TEX36: variants seen among roughly 807,000 people sequenced by gnomAD.
TEX36 encodes the protein testis expressed 36, also known as testis-expressed protein 36.
Under a neutral mutation model 13.6 loss-of-function variants are expected in TEX36, and 12 were observed. That is an observed-to-expected ratio of 0.88 (90% CI 0.56 to 1.43). The LOEUF is 1.43. Among genes scored for constraint, TEX36 ranks in the 40% most tolerant of loss-of-function variants. The probability of loss-of-function intolerance (pLI) is 0.00; values close to 1 mark genes in which losing one functional copy is unlikely to be tolerated. For missense variants in TEX36, 224 were observed against 228.3 expected (o/e 0.98, Z 0.12); for synonymous variants, 93 against 83.0 (o/e 1.12, Z -0.65).
At chr10:125,608,988 A>AAG (rs1554999380) in intron 3 of TEX36, among the ~76,000 whole-genome samples, 1 of 134,412 alleles carries the variant, frequency 7.4e-6, no homozygotes, top group African/African-American at 3.2e-5. Flanking sequence ...AAAAAAAAAA[A>AAG]AAAGAAAGAA....
At chr10:125,622,708 G>A (rs536410283) in intron 3 of TEX36, among the ~76,000 whole-genome samples, 22 of 152,300 alleles carry the variant, frequency 1.4e-4, no homozygotes, top group Admixed American at 3.3e-4. Context: ...ACTAAGAGAC[G>A]CCCAGAGGGA....
intron 1 of TEX36, among the ~76,000 whole-genome samples, chr10:125,662,723 G>C (rs1319498581): frequency 6.6e-6 from 1 of 152,092 alleles, no homozygotes; most frequent in Non-Finnish European, 1.5e-5. Context: ...CAAGCAATGA[G>C]GCATTGGATT....
intron 3 of TEX36, among the ~76,000 whole-genome samples, chr10:125,614,246 A>G (rs1022481980): frequency 1.1e-4 from 17 of 152,122 alleles, no homozygotes; most frequent in African/African-American, 3.4e-4. Context: ...GTTCCCTCTG[A>G]TGGTAGTTTC....
At chr10:125,601,600 C>T (rs1846147766) in intron 3 of TEX36, among the ~76,000 whole-genome samples, 1 of 152,230 alleles carries the variant, frequency 6.6e-6, no homozygotes, top group African/African-American at 2.4e-5. Context: ...CACCAGCTTG[C>T]CAGCTTGGTT....
At chr10:125,660,213 C>A (rs1350404199) in intron 3 of TEX36, among the ~76,000 whole-genome samples, 2 of 152,184 alleles carry the variant, frequency 1.3e-5, no homozygotes, top group African/African-American at 4.8e-5. Context: ...CAGCCTTGAA[C>A]TCCTGAGCTC....
At chr10:125,678,747 T>G (rs1847348381) in intron 1 of TEX36, among the ~76,000 whole-genome samples, 1 of 152,012 alleles carries the variant, frequency 6.6e-6, no homozygotes, top group African/African-American at 2.4e-5. Flanking sequence ...GGCCAGGAGT[T>G]TAGGCCCAAT....
chr10:125,603,417 C>T lies in TEX36; in HGVS notation c.265-26543G>A, dbSNP rs1189465853. Among the ~76,000 whole-genome samples the T allele has an allele frequency of 6.6e-5, 10 of 152,038 alleles. No homozygotes were observed. In the South Asian group the frequency reaches 1.0e-3, roughly 16 times the overall value. ...CCTCTTAGTGGTCCCCCATCTGCTC[C>T]GCCCGTTGCCTGAGCCCATTTCCCC... On this transcript the variant is annotated intron_variant, in intron 3 of 3. Transcript: ENST00000532135.
intron 3 of TEX36, among the ~76,000 whole-genome samples, chr10:125,627,175 T>C (rs1173213192): frequency 6.6e-6 from 1 of 152,258 alleles, no homozygotes; most frequent in Non-Finnish European, 1.5e-5. Flanking sequence ...TGAGATGTTT[T>C]CACTAATCTG....
chr10:125,665,393 T>C (rs773545149), intron 1 of TEX36, among the ~76,000 whole-genome samples: 3 of 152,178 alleles, frequency 2.0e-5, no homozygotes, highest in Non-Finnish European at 4.4e-5. Context: ...TATATTTAAG[T>C]CTTCAATTCA....
intron 1 of TEX36, among the ~76,000 whole-genome samples, chr10:125,676,700 C>A (rs60014559): frequency 0.077 from 11,711 of 152,098 alleles, 809 homozygotes; most frequent in East Asian, 0.25. Context: ...TTCTTCCTTT[C>A]TTTTTATCTT....
intron 3 of TEX36, among the ~76,000 whole-genome samples, chr10:125,635,826 C>G (rs1019039374): frequency 6.6e-6 from 1 of 152,032 alleles, no homozygotes; most frequent in Non-Finnish European, 1.5e-5. Context: ...ATCCACGGCT[C>G]TTTCAACTTC....
chr10:125,670,215 C>T (rs6597718), intron 1 of TEX36, among the ~76,000 whole-genome samples: 97,399 of 152,102 alleles, frequency 0.64, 32,571 homozygotes, highest in African/African-American at 0.85. Context: ...CCACCAATAG[C>T]GTAAAAGCAT....
At chr10:125,672,431 T>G (rs945861565) in intron 1 of TEX36, among the ~76,000 whole-genome samples, 1 of 152,226 alleles carries the variant, frequency 6.6e-6, no homozygotes, top group Non-Finnish European at 1.5e-5. Context: ...TCCATGTAGT[T>G]GTGTGGTTTT....
At position 125,663,111 on chromosome 10, in the gene TEX36, C is replaced by T. The variant is rs573297976; in HGVS notation, c.52-1134G>A. Among the ~76,000 whole-genome samples the T allele has an allele frequency of 3.9e-5, 6 of 152,344 alleles. No homozygotes were observed. In the East Asian group the frequency reaches 1.2e-3, roughly 29 times the overall value. ...TCCACCCCAGGTCTCTCTCCTATCT[C>T]CTAGGTGAGCCTGATGAGAGAGACT... On this transcript the variant is annotated intron_variant, in intron 1 of 3. Transcript: ENST00000368821.
At position 125,667,684 on chromosome 10, in the gene TEX36, A is replaced by G; in HGVS notation, c.52-5707T>C. 4.1e-6 allele frequency: 3 copies of G among 733,266 alleles called. No individual in the cohort carries two copies. In the South Asian group the frequency reaches 4.7e-5, roughly 11 times the overall value. The allele number at this position is 733,266 out of a possible 1,614,324, so 45.4% of individuals were successfully genotyped here. On this transcript the variant is annotated intron_variant, in intron 1 of 3. Coordinates refer to ENST00000368821, the MANE Select transcript of TEX36 (RefSeq NM_001128202.3). ...CAACTTGGGGGAAAGGACGCCCATC[A>G]TCCTTCTTCTGGTAGAGTGTCTGGT...
At chr10:125,605,213 C>T (rs1846200550) in intron 3 of TEX36, among the ~76,000 whole-genome samples, 1 of 152,234 alleles carries the variant, frequency 6.6e-6, no homozygotes, top group Non-Finnish European at 1.5e-5. Context: ...ATGCCTTCGA[C>T]TCATTTTATT....
intron 3 of TEX36, among the ~76,000 whole-genome samples, chr10:125,658,591 G>T (rs369454487): frequency 6.6e-6 from 1 of 151,984 alleles, no homozygotes; most frequent in South Asian, 2.1e-4. Context: ...AAACAGCCAC[G>T]ACACACTTGT....
intron 2 of TEX36, 128 bp from the exon 3 acceptor site, chr10:125,661,229 G>A: frequency 1.3e-6 from 1 of 741,980 alleles, no homozygotes; most frequent in Non-Finnish European, 2.4e-6. Flanking sequence ...ATGAAACCTG[G>A]CCCCAGAGAT....
At chr10:125,645,350 C>T (rs115889599) in intron 3 of TEX36, among the ~76,000 whole-genome samples, 3,170 of 152,150 alleles carry the variant, frequency 0.021, 102 homozygotes, top group African/African-American at 0.067. Context: ...TTAATCCATT[C>T]GTGGATTCAT....
Sources: allele counts gnomAD v4.1 joint callset (sites outside exome capture counted in the v4.1 genomes callset), GRCh38; gene constraint gnomAD v4.1.1; transcripts MANE v1.5; gene names NCBI Gene and HGNC (gene_info 2026-07-23, HGNC 2026-07-21).